The following H2AJ variants were observed in gnomAD, a reference collection of about 807,000 sequenced individuals.
H2AJ encodes histone H2A.J.
H2AJ carries 3 observed loss-of-function variants against 7.9 expected under a neutral mutation model. The ratio of observed to expected loss-of-function variants is 0.38; its 90% confidence interval spans 0.17 to 0.98. The LOEUF is 0.98. H2AJ is among the 50% of genes least tolerant of loss of function. The probability of loss-of-function intolerance (pLI) is 0.39; values close to 1 mark genes in which losing one functional copy is unlikely to be tolerated. For synonymous variants in H2AJ, 98 were observed against 85.7 expected (o/e 1.14, Z -0.79); for missense variants, 128 against 174.4 (o/e 0.73, Z 1.50).
In H2AJ at chr12:14,774,923, A is replaced by C; in HGVS notation, c.*63A>C. 1 of 1,537,544 alleles carries C rather than the reference A, an allele frequency of 6.5e-7. No homozygotes were observed. On this transcript the variant is annotated 3_prime_UTR_variant, in exon 1 of 1. Transcript: ENST00000544848. ...AAGGCCCTTTTCATGGTCGTCCCGC[A>C]ATGCTTTTGAATGTGCTGGATGTCA...
chr12:14,775,105 A>G, downstream of H2AJ: 1 of 557,620 alleles, frequency 1.8e-6, no homozygotes, highest in East Asian at 3.3e-5. Flanking sequence ...CCCCTGGAGC[A>G]GGCACTGGTG....
chr12:14,775,622 C>T (rs561238110), downstream of H2AJ: 2 of 354,934 alleles, frequency 5.6e-6, no homozygotes, highest in African/African-American at 4.3e-5. Flanking sequence ...CATAACATTG[C>T]AGCGCCTTTA....
At chr12:14,775,951 C>G (rs1347621379), downstream of H2AJ, 1 of 167,342 alleles carries the variant, frequency 6.0e-6, no homozygotes, top group Non-Finnish European at 1.5e-5. Context: ...GGGGGAAACA[C>G]ATTTCAGACC....
rs1430383624 is a variant in H2AJ, at chr12:14,774,997, C to A, written c.*137C>A. ...GGGAGGTGGGCGGCGAGGGTCCCGGCGGGAGCCAATAAAGTTGGTGAAAAT... is the reference window on the plus strand; with the variant it reads ...GGGAGGTGGGCGGCGAGGGTCCCGGAGGGAGCCAATAAAGTTGGTGAAAAT... On this transcript the variant is annotated 3_prime_UTR_variant, in exon 1 of 1. Transcript: ENST00000544848. 3.0e-6 allele frequency: 3 copies of A among 996,078 alleles called. No individual in the cohort carries two copies. The highest frequency in any genetic ancestry group is 1.7e-5 in the South Asian group (1 of 60,230). 61.7% of individuals were successfully genotyped at this position (996,078 alleles called of 1,614,324 possible). A position where few individuals can be genotyped will look rare whatever the true frequency, so the allele number is the denominator to read the frequency against.
Position 14,775,018 on chromosome 12 carries a change from A to G in H2AJ, c.*158A>G. On this transcript the variant is annotated 3_prime_UTR_variant, in exon 1 of 1. Coordinates refer to ENST00000544848, the MANE Select transcript of H2AJ (RefSeq NM_177925.5). ...CCGGCGGGAGCCAATAAAGTTGGTG[A>G]AAATCGTTTGGTCGAGAGAGCTGTG... 1 of 876,148 alleles carries G rather than the reference A, an allele frequency of 1.1e-6. No homozygotes were observed. The highest frequency in any genetic ancestry group is 1.8e-5 in the South Asian group (1 of 56,382). 54.3% of individuals were successfully genotyped at this position (876,148 alleles called of 1,614,324 possible).
chr12:14,774,882 G>T lies in H2AJ; in HGVS notation c.*22G>T. On this transcript the variant is annotated 3_prime_UTR_variant, in exon 1 of 1. Coordinates refer to ENST00000544848, the MANE Select transcript of H2AJ (RefSeq NM_177925.5). ...ATGACCCTGACGCCGCCCTCAGGGA[G>T]CTGGCTCCCCCAGCAAAGGCCCTTT... The T allele has an allele frequency of 6.2e-7, 1 of 1,607,694 alleles. No individual in the cohort carries two copies.
chr12:14,775,143 T>C, downstream of H2AJ: 1 of 514,150 alleles, frequency 1.9e-6, no homozygotes. Flanking sequence ...CTGGACGGCT[T>C]TAGTCCGCAG....
Position 14,774,470 on chromosome 12 carries a change from C to T in H2AJ, c.-1C>T, listed in dbSNP as rs536557080. ...TCTGGAGTTGTAGGCGAGAGGTGAT[C>T]ATGTCCGGTCGCGGGAAACAGGGCG... On this transcript the variant is annotated 5_prime_UTR_variant, in exon 1 of 1. Coordinates refer to ENST00000544848, the MANE Select transcript of H2AJ (RefSeq NM_177925.5). 1.5e-5 allele frequency: 23 copies of T among 1,561,940 alleles called. No homozygotes were observed. The East Asian group carries it at 4.7e-4, about 32-fold the overall frequency.
At chr12:14,775,548 A>T (rs545497317), downstream of H2AJ, 4 of 382,934 alleles carry the variant, frequency 1.0e-5, no homozygotes, top group South Asian at 6.1e-5. Flanking sequence ...TTTTTTTTTA[A>T]TGAAGGAAAC....
In H2AJ at chr12:14,774,593, G is replaced by A. The variant is rs376275574; in HGVS notation, c.123G>A (p.Ala41=). Residue 41 remains alanine, a synonymous_variant, in exon 1 of 1, where the codon GCG becomes GCA. Transcript: ENST00000544848. ...VHRLLRKGNY[A]ERVGAGAPVY... is the part of the protein sequence containing the mutation. ...GACTGCTGCGCAAAGGGAACTACGC[G>A]GAGCGAGTGGGCGCCGGGGCGCCGG... 1.9e-6 allele frequency: 3 copies of A among 1,613,940 alleles called. No individual in the cohort carries two copies. The highest frequency in any genetic ancestry group is 2.2e-5 in the East Asian group (1 of 44,878).
At chr12:14,776,184 T>C (rs925012618), downstream of H2AJ, 1 of 167,162 alleles carries the variant, frequency 6.0e-6, no homozygotes, top group African/African-American at 2.4e-5. Context: ...TGGTAGCGGC[T>C]GGCCCATTTT....
downstream of H2AJ, chr12:14,776,775 A>G (rs759293230): frequency 1.2e-5 from 2 of 167,106 alleles, no homozygotes; most frequent in African/African-American, 4.8e-5. Flanking sequence ...CAAAATGCAT[A>G]TATGGTTTTG....
At chr12:14,775,072 A>G (rs1949616621), downstream of H2AJ, 6 of 623,040 alleles carry the variant, frequency 9.6e-6, no homozygotes, top group South Asian at 4.0e-5. Context: ...GGATGGCCCC[A>G]GGGGAGGGGG....
At chr12:14,775,688 CA>C, downstream of H2AJ, 1 of 315,562 alleles carries the variant, frequency 3.2e-6, no homozygotes, top group South Asian at 2.9e-5. Context: ...TTTCTAGCTT[CA>C]TAATGATCCT....
chr12:14,775,368 G>A, downstream of H2AJ: 1 of 471,418 alleles, frequency 2.1e-6, no homozygotes, highest in South Asian at 1.5e-5. Flanking sequence ...GCTGAGCTCG[G>A]GGCAGGAAGT....
downstream of H2AJ, chr12:14,775,412 CT>C: frequency 2.1e-6 from 1 of 471,248 alleles, no homozygotes; most frequent in Non-Finnish European, 4.4e-6. Context: ...AGTGGAGTAA[CT>C]TTCCGTCTTG....
rs190759818 is a variant in H2AJ at position 14,774,431 on chromosome 12, G to T, written c.-40G>T. ...CATTCCGGTACCGGACGCCGAGAGCGGTTTGTCTCCGTCTCTGGAGTTGTA... is the reference window on the plus strand; with the variant it reads ...CATTCCGGTACCGGACGCCGAGAGCTGTTTGTCTCCGTCTCTGGAGTTGTA... On this transcript the variant is annotated 5_prime_UTR_variant, in exon 1 of 1. Coordinates refer to ENST00000544848, the MANE Select transcript of H2AJ (RefSeq NM_177925.5). The T allele has an allele frequency of 3.7e-4, 563 of 1,525,452 alleles. 1 individual carries two copies. In the African/African-American group the frequency reaches 7.3e-3, roughly 20 times the overall value. 94.5% of individuals were successfully genotyped at this position (1,525,452 alleles called of 1,614,324 possible). A position where few individuals can be genotyped will look rare whatever the true frequency, so the allele number is the denominator to read the frequency against.
chr12:14,775,171 A>G (rs1949618772), downstream of H2AJ: 7 of 486,052 alleles, frequency 1.4e-5, no homozygotes, highest in African/African-American at 1.9e-5. Flanking sequence ...TCGAGGCGTC[A>G]GGGGAGGGTG....
At chr12:14,776,908 G>C (rs1206847304), downstream of H2AJ, 2 of 166,966 alleles carry the variant, frequency 1.2e-5, no homozygotes, top group Admixed American at 6.6e-5. Context: ...CCTTCCCCTG[G>C]GAAGATTCAC....
Sources: allele counts gnomAD v4.1 joint callset, GRCh38; gene constraint gnomAD v4.1.1; transcripts MANE v1.5; gene names NCBI Gene and HGNC (gene_info 2026-07-23, HGNC 2026-07-21).